The following COG2 variants were observed in gnomAD, a reference collection of about 807,000 sequenced individuals.
COG2 encodes conserved oligomeric Golgi complex subunit 2.
In COG2, 52 loss-of-function variants were observed where a neutral mutation model predicts 90.6. That is an observed-to-expected ratio of 0.57 (90% CI 0.46 to 0.72). The LOEUF is 0.72. Among genes scored for constraint, COG2 ranks in the 30% least tolerant of loss-of-function variants. COG2 has a pLI of 0.00. For missense variants in COG2, 829 were observed against 891.2 expected (o/e 0.93, Z 0.89); for synonymous variants, 337 against 320.4 (o/e 1.05, Z -0.55).
chr1:230,648,270 G>A (rs888027500), intron 1 of COG2, among the ~76,000 whole-genome samples: 9 of 152,208 alleles, frequency 5.9e-5, no homozygotes, highest in Non-Finnish European at 1.2e-4. Flanking sequence ...ACAGGAAAGC[G>A]GATGTAAGTG....
intron 5 of COG2, among the ~76,000 whole-genome samples, chr1:230,666,263 C>T (rs1662319720): frequency 6.6e-6 from 1 of 152,176 alleles, no homozygotes; most frequent in Non-Finnish European, 1.5e-5. Flanking sequence ...TTATTTCCTT[C>T]ACTAACGAGG....
intron 11 of COG2, 98 bp downstream of exon 11, chr1:230,683,733 GTTTTT>G: frequency 2.0e-6 from 1 of 501,400 alleles, no homozygotes; most frequent in Middle Eastern, 3.2e-4. Context: ...TACTTTTACT[GTTTTT>G]TTTTTTTAAT....
Position 230,690,037 on chromosome 1 carries a change from CTA to C in COG2, c.1820_1821del (p.Tyr607CysfsTer18). 1 of 1,605,352 alleles carries C rather than the reference CTA, an allele frequency of 6.2e-7. No homozygotes were observed. Among genetic ancestry groups the C allele is most frequent in the South Asian group, 1.1e-5 (1 of 89,446 alleles). ...NKEVPTTASS[Y>X]VDSALKPLFQ... ...AGGAGGTCCCAACCACAGCTTCCTCCTATGTGGACAGTGCTCTGAAGCCCTTA... is the reference window on the plus strand; with the variant it reads ...AGGAGGTCCCAACCACAGCTTCCTCCTGTGGACAGTGCTCTGAAGCCCTTA... On this transcript the variant is annotated frameshift_variant, in exon 16 of 18. Coordinates refer to ENST00000366669, the MANE Select transcript of COG2 (RefSeq NM_007357.3). LOFTEE classifies it high-confidence loss of function.
chr1:230,660,845 A>G (rs760645856), intron 3 of COG2, 22 bp downstream of exon 3: 3 of 1,525,330 alleles, frequency 2.0e-6, no homozygotes, highest in East Asian at 2.5e-5. Context: ...GAATAACATC[A>G]AACAGTTTAC....
intron 1 of COG2, among the ~76,000 whole-genome samples, chr1:230,647,398 C>T (rs1473800909): frequency 2.0e-5 from 3 of 151,994 alleles, no homozygotes; most frequent in Non-Finnish European, 4.4e-5. Context: ...GAGGTGTGTC[C>T]AAGAGAATAA....
rs202170916 is a variant in COG2 at position 230,678,305 on chromosome 1, G to GGAT, written c.1027-588_1027-586dup. The GGAT allele has an allele frequency of 1.2e-4, 115 of 961,920 alleles. 1 individual carries two copies. The highest frequency in any genetic ancestry group is 8.6e-4 in the Admixed American group (14 of 16,212). 59.6% of individuals were successfully genotyped at this position (961,920 alleles called of 1,614,324 possible). A position where few individuals can be genotyped will look rare whatever the true frequency, so the allele number is the denominator to read the frequency against. On this transcript the variant is annotated intron_variant, in intron 9 of 17. Transcript: ENST00000366669. ...AGAAGAAGCATCATTTGTAAAATGG[G>GGAT]GATGATGATGATGATGATGATGGTA...
chr1:230,671,479 T>C, intron 7 of COG2, 37 bp from the exon 8 acceptor site: 1 of 1,581,256 alleles, frequency 6.3e-7, no homozygotes, highest in Non-Finnish European at 8.6e-7. Context: ...ACTTCCCTTT[T>C]AAATGCTTTT....
chr1:230,665,755 C>G (rs568706207), intron 5 of COG2, among the ~76,000 whole-genome samples: 1 of 152,236 alleles, frequency 6.6e-6, no homozygotes, highest in East Asian at 1.9e-4. Flanking sequence ...CATCAGAGTC[C>G]CCATCAGTGT....
intron 11 of COG2, chr1:230,684,398 C>T (rs1394646594): frequency 6.6e-6 from 1 of 152,362 alleles, no homozygotes; most frequent in East Asian, 1.9e-4. Context: ...CCTCCTGTGC[C>T]CTGGCCGCCC....
chr1:230,681,518 A>G (rs1662748702), intron 10 of COG2: 1 of 152,224 alleles, frequency 6.6e-6, no homozygotes, highest in Non-Finnish European at 1.5e-5. Context: ...CATCACTATT[A>G]TTATCGCCAT....
intron 1 of COG2, among the ~76,000 whole-genome samples, chr1:230,651,221 T>C (rs3827744): frequency 0.72 from 108,780 of 151,848 alleles, 39,459 homozygotes; most frequent in East Asian, 0.95. Flanking sequence ...GTTCTGTCCC[T>C]GCTGCAGTAG....
rs528193923 is a variant in COG2 at position 230,666,419 on chromosome 1, C to T, written c.485+1832C>T. On this transcript the variant is annotated intron_variant, in intron 5 of 17. Transcript: ENST00000366669. ...CCCCCTCTCAGTTCTCCCATTGCCTCGTTTCAGGCAGTGGCCTCCTGACTG... is the reference window on the plus strand; with the variant it reads ...CCCCCTCTCAGTTCTCCCATTGCCTTGTTTCAGGCAGTGGCCTCCTGACTG... Among the ~76,000 whole-genome samples the T allele has an allele frequency of 1.8e-4, 27 of 152,282 alleles. 1 individual carries two copies. Among genetic ancestry groups the T allele is most frequent in the Admixed American group, 1.7e-3 (26 of 15,308 alleles).
At chr1:230,662,997 A>G (rs1032474700) in intron 3 of COG2, 144 bp from the exon 4 acceptor site, 6 of 515,890 alleles carry the variant, frequency 1.2e-5, no homozygotes, top group African/African-American at 8.0e-5. Flanking sequence ...ACAAACAGCA[A>G]TTGTGTCTAA....
intron 7 of COG2, 114 bp from the exon 8 acceptor site, chr1:230,671,402 A>AG: frequency 1.2e-6 from 1 of 805,956 alleles, no homozygotes. Flanking sequence ...CACAGGGAGG[A>AG]GGGTGAGTGT....
intron 12 of COG2, among the ~76,000 whole-genome samples, chr1:230,686,230 GTT>G (rs891848269): frequency 4.5e-4 from 69 of 152,320 alleles, no homozygotes; most frequent in African/African-American, 1.5e-3. Flanking sequence ...TCTAGTTTGT[GTT>G]TCCCTTTTGC....
intron 3 of COG2, 133 bp downstream of exon 3, chr1:230,660,956 C>G: frequency 4.2e-6 from 2 of 474,662 alleles, no homozygotes; most frequent in Non-Finnish European, 3.7e-6. Context: ...TTATAATACT[C>G]ATCCTCAGAA....
At chr1:230,685,305 C>A in intron 12 of COG2, 69 bp downstream of exon 12, 1 of 1,536,310 alleles carries the variant, frequency 6.5e-7, no homozygotes, top group Non-Finnish European at 8.9e-7. Context: ...TAGGCTAACT[C>A]CCTAAGATTT....
At chr1:230,683,733 G>GTTTTTT in intron 11 of COG2, 98 bp downstream of exon 11, 1 of 501,400 alleles carries the variant, frequency 2.0e-6, no homozygotes, top group South Asian at 2.5e-5. Flanking sequence ...TACTTTTACT[G>GTTTTTT]TTTTTTTTTT....
chr1:230,678,659 C>T, intron 9 of COG2: 1 of 1,403,214 alleles, frequency 7.1e-7, no homozygotes, highest in Non-Finnish European at 9.4e-7. Flanking sequence ...TTAAAGAGCA[C>T]CAGACTTAGA....
Sources: allele counts gnomAD v4.1 joint callset (sites outside exome capture counted in the v4.1 genomes callset), GRCh38; gene constraint gnomAD v4.1.1; transcripts MANE v1.5; gene names NCBI Gene and HGNC (gene_info 2026-07-23, HGNC 2026-07-21).